Variants in SIAE observed in about 807,000 individuals in gnomAD.
SIAE encodes the protein sialic acid acetylesterase.
SIAE carries 39 observed loss-of-function variants against 52.6 expected under a neutral mutation model. The observed-to-expected ratio is 0.74, with a 90% CI of 0.57 to 0.97. SIAE has a LOEUF of 0.97. Ranked by LOEUF, SIAE falls within the 50% of genes least tolerant of loss-of-function variation. The probability of loss-of-function intolerance (pLI) is 0.00; values close to 1 mark genes in which losing one functional copy is unlikely to be tolerated. For missense variants in SIAE, 592 were observed against 662.1 expected (o/e 0.89, Z 1.16); for synonymous variants, 233 against 241.4 (o/e 0.97, Z 0.32).
upstream of SIAE, chr11:124,673,795 C>T (rs1195497291): frequency 2.3e-5 from 35 of 1,498,394 alleles, no homozygotes; most frequent in African/African-American, 4.9e-4. Flanking sequence ...GCCGACTCCA[C>T]CCTTTTGCAG....
intron 7 of SIAE, among the ~76,000 whole-genome samples, chr11:124,641,950 A>G (rs1451330048): frequency 2.2e-5 from 3 of 137,102 alleles, no homozygotes; most frequent in Non-Finnish European, 4.6e-5. Context: ...ACCGGGCAAG[A>G]CTCCATCTCA....
intron 2 of SIAE, among the ~76,000 whole-genome samples, chr11:124,668,100 C>T (rs550706533): frequency 0.06 from 9,069 of 152,214 alleles, 388 homozygotes; most frequent in Non-Finnish European, 0.089. Flanking sequence ...ACAAACAAGT[C>T]TCCCTGTCTT....
intron 3 of SIAE, chr11:124,660,297 G>GA (rs200559016): frequency 0.082 from 19,034 of 233,542 alleles, no homozygotes; most frequent in South Asian, 0.13. Context: ...TCTCAAAAAA[G>GA]AAAAAAAAAA....
At chr11:124,662,347 C>T (rs1943197595) in intron 2 of SIAE, among the ~76,000 whole-genome samples, 1 of 152,188 alleles carries the variant, frequency 6.6e-6, no homozygotes, top group Non-Finnish European at 1.5e-5. Context: ...TCCAGGCTTG[C>T]CAAGGTCTTT....
At position 124,633,234 on chromosome 11, in the gene SIAE, A is replaced by C. The variant is rs531080490; in HGVS notation, c.*3717T>G. 4 of 152,240 alleles carry C rather than the reference A, an allele frequency of 2.6e-5. No homozygotes were observed. The highest frequency in any genetic ancestry group is 5.9e-5 in the Non-Finnish European group (4 of 68,040). 9.4% of individuals were successfully genotyped at this position (152,240 alleles called of 1,614,324 possible). On this transcript the variant is annotated 3_prime_UTR_variant, in exon 10 of 10. Coordinates refer to ENST00000263593, the MANE Select transcript of SIAE (RefSeq NM_170601.5). Reference sequence around the variant, plus strand: ...TAATTGGGGGTTAGTCCCATACTCTATAACAGACTTAGTCCTGTCTTTTCA... The same window carrying C: ...TAATTGGGGGTTAGTCCCATACTCTCTAACAGACTTAGTCCTGTCTTTTCA...
At chr11:124,665,792 C>T (rs1319771702) in intron 2 of SIAE, among the ~76,000 whole-genome samples, 1 of 151,936 alleles carries the variant, frequency 6.6e-6, no homozygotes, top group Admixed American at 6.6e-5. Flanking sequence ...GCACTCCAGC[C>T]TGGGTGACAG....
At position 124,654,680 on chromosome 11, in the gene SIAE, G is replaced by A; in HGVS notation, c.519C>T (p.Asp173=). 1 of 1,614,190 alleles carries A rather than the reference G, an allele frequency of 6.2e-7. No homozygotes were observed. The highest frequency in any genetic ancestry group is 1.1e-5 in the South Asian group (1 of 91,078). ...CTGAGGTGGGCTTAGACCACTGCAA[G>A]TCAACCGCAACAAGGTCCTCCAGCT... ...EQELEDLVAV[D]LQWSKPTSEN... Residue 173 remains aspartate (D), a synonymous_variant, in exon 4 of 10, where the codon GAC becomes GAT. Coordinates refer to ENST00000263593, the MANE Select transcript of SIAE (RefSeq NM_170601.5).
intron 4 of SIAE, among the ~76,000 whole-genome samples, chr11:124,651,948 A>G (rs1293557292): frequency 6.6e-6 from 1 of 152,238 alleles, no homozygotes; most frequent in African/African-American, 2.4e-5. Flanking sequence ...AGAGAGCTGG[A>G]GAAGCCTTAA....
intron 3 of SIAE, among the ~76,000 whole-genome samples, chr11:124,655,321 G>A (rs535045958): frequency 7.4e-4 from 112 of 152,000 alleles, no homozygotes; most frequent in Non-Finnish European, 1.1e-3. Context: ...AACTACAGGC[G>A]CCCACCACCA....
chr11:124,634,551 C>T lies in SIAE; in HGVS notation c.*2400G>A, dbSNP rs1239809758. ...TCTAAATTTTAAATATATATTTATC[C>T]TCTTCCATGTTAAGAACCCTAAGAA... is the stretch of plus-strand genomic sequence containing the variant. On this transcript the variant is annotated 3_prime_UTR_variant, in exon 10 of 10. Transcript: ENST00000263593. 1 of 151,990 alleles carries T rather than the reference C, an allele frequency of 6.6e-6. No individual in the cohort carries two copies. Among genetic ancestry groups the T allele is most frequent in the Admixed American group, 6.6e-5 (1 of 15,248 alleles). The allele number at this position is 151,990 out of a possible 1,614,324, so 9.4% of individuals were successfully genotyped here. A position where few individuals can be genotyped will look rare whatever the true frequency, so the allele number is the denominator to read the frequency against.
At chr11:124,644,351 G>GAAAAAAAAAAAAAAAAAAAAAAAA (rs766691334) in intron 7 of SIAE, among the ~76,000 whole-genome samples, 9 of 98,988 alleles carry the variant, frequency 9.1e-5, no homozygotes, top group African/African-American at 2.0e-4. Context: ...AGTCTGTGGT[G>GAAAAAAAAAAAAAAAAAAAAAAAA]AGAAAAAAAA....
chr11:124,669,210 G>A, intron 2 of SIAE, 150 bp downstream of exon 2: 2 of 1,076,372 alleles, frequency 1.9e-6, no homozygotes, highest in Non-Finnish European at 2.8e-6. Flanking sequence ...CTAAGCACAT[G>A]GCAAATATTC....
chr11:124,673,535 C>T (rs1207196259), intron 1 of SIAE, 107 bp downstream of exon 1: 8 of 1,350,758 alleles, frequency 5.9e-6, no homozygotes, highest in Non-Finnish European at 8.3e-6. Context: ...TAGGTTCCTT[C>T]GTCGACCTTG....
chr11:124,663,003 G>T (rs1369206016), intron 2 of SIAE, among the ~76,000 whole-genome samples: 2 of 152,070 alleles, frequency 1.3e-5, no homozygotes, highest in Non-Finnish European at 2.9e-5. Context: ...AAATTAGCAG[G>T]GTGTGATGGC....
At chr11:124,662,325 A>G (rs1055231020) in intron 2 of SIAE, among the ~76,000 whole-genome samples, 3 of 152,168 alleles carry the variant, frequency 2.0e-5, no homozygotes, top group Non-Finnish European at 4.4e-5. Context: ...AGACACTCCA[A>G]TCTGTCCCAA....
At chr11:124,649,517 G>T in intron 5 of SIAE, 102 bp downstream of exon 5, 1 of 1,226,238 alleles carries the variant, frequency 8.2e-7, no homozygotes, top group African/African-American at 1.5e-5. Context: ...AACACATATT[G>T]GGACATTCAC....
intron 4 of SIAE, 43 bp from the exon 5 acceptor site, chr11:124,649,839 T>C: frequency 6.2e-7 from 1 of 1,607,202 alleles, no homozygotes; most frequent in Non-Finnish European, 8.5e-7. Flanking sequence ...AGAGAAAGGT[T>C]GATGGATACA....
chr11:124,673,865 A>T, upstream of SIAE: 3 of 633,144 alleles, frequency 4.7e-6, no homozygotes, highest in East Asian at 3.5e-5. Flanking sequence ...CGGCCGCCGT[A>T]GTTTTTTTTT....
In SIAE at chr11:124,645,319, C is replaced by CTT. The variant is rs903341369; in HGVS notation, c.966+2044_966+2045dup. ...TCAGGTCTTTCTGATTGCTATATTT[C>CTT]TTTTTTTTTTTTGAGACGGAGTTTC... On this transcript the variant is annotated intron_variant, in intron 7 of 9. Coordinates refer to ENST00000263593, the MANE Select transcript of SIAE (RefSeq NM_170601.5). This position sits in a 1 kb window ranked among gnomAD's most constrained non-coding sequence, Gnocchi z 4.7. Among the ~76,000 whole-genome samples the CTT allele has an allele frequency of 6.8e-6, 1 of 146,118 alleles. No homozygotes were observed. Among genetic ancestry groups the CTT allele is most frequent in the African/African-American group, 2.5e-5 (1 of 39,972 alleles).
Sources: gnomAD v4.1 joint callset for allele counts (sites outside exome capture counted in the v4.1 genomes callset) on GRCh38, gnomAD v4.1.1 for gene constraint, Gnocchi (gnomAD v3.1) non-coding constraint, MANE v1.5 for transcripts, NCBI Gene and HGNC (gene_info 2026-07-23, HGNC 2026-07-21) for gene names.